MSI2: variants seen among roughly 807,000 people sequenced by gnomAD.
MSI2 encodes the protein musashi RNA binding protein 2.
In MSI2, 17 loss-of-function variants were observed where a neutral mutation model predicts 45.6. The ratio of observed to expected loss-of-function variants is 0.37; its 90% CI spans 0.26 to 0.56. The LOEUF (loss-of-function observed/expected upper bound fraction) is 0.56, where lower values mean the gene tolerates loss of function less well. MSI2 is among the 20% of genes least tolerant of loss of function. MSI2 has a pLI of 0.77. For missense variants in MSI2, 293 were observed against 444.2 expected (o/e 0.66, Z 3.06); for synonymous variants, 156 against 158.2 (o/e 0.99, Z 0.11).
chr17:57,461,695 C>T (rs916446171), intron 6 of MSI2, among the ~76,000 whole-genome samples: 9 of 152,142 alleles, frequency 5.9e-5, no homozygotes, highest in African/African-American at 9.6e-5. Flanking sequence ...GCCACCACAC[C>T]GGCTAATTTT....
intron 6 of MSI2, among the ~76,000 whole-genome samples, chr17:57,490,232 T>C (rs1369394345): frequency 1.3e-5 from 2 of 152,348 alleles, no homozygotes; most frequent in Non-Finnish European, 2.9e-5. Flanking sequence ...CTAGTTCTTC[T>C]TTCTCTTGCT....
At chr17:57,605,363 C>T (rs150260203) in intron 8 of MSI2, among the ~76,000 whole-genome samples, 1 of 152,340 alleles carries the variant, frequency 6.6e-6, no homozygotes, top group Non-Finnish European at 1.5e-5. Context: ...GAGTGGCCTC[C>T]CAGTTGCCTG....
chr17:57,269,105 C>T (rs1174578721), intron 5 of MSI2, among the ~76,000 whole-genome samples: 3 of 152,082 alleles, frequency 2.0e-5, no homozygotes, highest in Admixed American at 1.3e-4. Flanking sequence ...GTCTTTGCCC[C>T]AGGTCTTGAA....
At chr17:57,580,120 T>C (rs2088161998) in intron 7 of MSI2, among the ~76,000 whole-genome samples, 1 of 152,082 alleles carries the variant, frequency 6.6e-6, no homozygotes, top group South Asian at 2.1e-4. Flanking sequence ...CTGTTCCCAC[T>C]TGGGCCTAGC....
intron 7 of MSI2, among the ~76,000 whole-genome samples, chr17:57,591,070 C>A (rs1410990928): frequency 1.3e-5 from 2 of 152,212 alleles, no homozygotes; most frequent in African/African-American, 4.8e-5. Context: ...CTGCTTCTGC[C>A]TGCATCTCTT....
chr17:57,331,892 C>G (rs956944076), intron 5 of MSI2, among the ~76,000 whole-genome samples: 7 of 152,278 alleles, frequency 4.6e-5, no homozygotes, highest in Non-Finnish European at 1.0e-4. Flanking sequence ...TTGCTACTCT[C>G]GAGTTGCTTT....
chr17:57,263,244 T>C (rs1157033874), intron 5 of MSI2, among the ~76,000 whole-genome samples: 3 of 152,232 alleles, frequency 2.0e-5, no homozygotes, highest in South Asian at 2.1e-4. Context: ...ACTTGATTGA[T>C]TGATTCCTTC....
Position 57,529,619 on chromosome 17 carries a change from T to G in MSI2, c.406-57T>G. ...CTCACCCCCCGACATGCATATAATG[T>G]TTTGTGTACTTTCTTAAAATTCCTA... On this transcript the variant is annotated intron_variant, in intron 6 of 13. Transcript: ENST00000284073. This position sits in a 1 kb window ranked among gnomAD's most constrained non-coding sequence, Gnocchi z 5.3. 6 of 1,509,642 alleles carry G rather than the reference T, an allele frequency of 4.0e-6. No homozygotes were observed. Among genetic ancestry groups the G allele is most frequent in the Non-Finnish European group, 5.5e-6 (6 of 1,087,128 alleles). The allele number at this position is 1,509,642 out of a possible 1,614,324, so 93.5% of individuals were successfully genotyped here. A position where few individuals can be genotyped will look rare whatever the true frequency, so the allele number is the denominator to read the frequency against.
At chr17:57,660,202 G>C (rs1334492314) in intron 11 of MSI2, among the ~76,000 whole-genome samples, 2 of 152,112 alleles carry the variant, frequency 1.3e-5, no homozygotes, top group Non-Finnish European at 2.9e-5. Context: ...TCCTCATGGT[G>C]GCAAAATGAT....
chr17:57,649,639 G>T (rs1337505090), intron 10 of MSI2, among the ~76,000 whole-genome samples: 1 of 152,214 alleles, frequency 6.6e-6, no homozygotes, highest in African/African-American at 2.4e-5. Context: ...CCACCAAGAA[G>T]AGGCCTGGCC....
At position 57,564,231 on chromosome 17, in the gene MSI2, A is replaced by G. The variant is rs532974603; in HGVS notation, c.455-32637A>G. On this transcript the variant is annotated intron_variant, in intron 7 of 13. Coordinates refer to ENST00000284073, the MANE Select transcript of MSI2 (RefSeq NM_138962.4). ...AGTAATTAAGAATTGCCCAGGAGCT[A>G]ACATATTTATGGGCACTGGCCCAGG... is the stretch of plus-strand genomic sequence containing the variant. Among the ~76,000 whole-genome samples the G allele has an allele frequency of 1.8e-4, 27 of 152,284 alleles. 1 individual carries two copies. The South Asian group carries it at 4.6e-3, about 26-fold the overall frequency.
At chr17:57,396,719 A>C (rs1378858027) in intron 5 of MSI2, among the ~76,000 whole-genome samples, 1 of 152,166 alleles carries the variant, frequency 6.6e-6, no homozygotes, top group Admixed American at 6.5e-5. Context: ...GTTAAATTAC[A>C]GGTCTAGATG....
intron 11 of MSI2, among the ~76,000 whole-genome samples, chr17:57,659,554 T>C (rs185900870): frequency 5.3e-5 from 8 of 152,178 alleles, no homozygotes; most frequent in Non-Finnish European, 1.0e-4. Context: ...ATGTGACTTA[T>C]TTAAAATCAC....
At chr17:57,286,481 T>G (rs1378854004) in intron 5 of MSI2, among the ~76,000 whole-genome samples, 1 of 152,100 alleles carries the variant, frequency 6.6e-6, no homozygotes, top group Non-Finnish European at 1.5e-5. Context: ...CTGAGAGCAC[T>G]TTTGTTTTCT....
At position 57,575,375 on chromosome 17, in the gene MSI2, C is replaced by T. The variant is rs373572291; in HGVS notation, c.455-21493C>T. Among the ~76,000 whole-genome samples, 231 of 152,210 alleles carry T rather than the reference C, an allele frequency of 1.5e-3. 1 individual carries two copies. The highest frequency in any genetic ancestry group is 5.4e-3 in the African/African-American group (224 of 41,522). On this transcript the variant is annotated intron_variant, in intron 7 of 13. Coordinates refer to ENST00000284073, the MANE Select transcript of MSI2 (RefSeq NM_138962.4). ...CCACATTTGACACCGCTCTAGGTGG[C>T]GGCTCAATGGGAGTGGAGTGCTGCG...
At chr17:57,619,345 C>T (rs992471400) in intron 9 of MSI2, among the ~76,000 whole-genome samples, 9 of 152,188 alleles carry the variant, frequency 5.9e-5, no homozygotes, top group African/African-American at 7.2e-5. Context: ...TCCTGCCCTC[C>T]GCGAGCTTGT....
chr17:57,344,931 C>A (rs1915476573), intron 5 of MSI2, among the ~76,000 whole-genome samples: 2 of 150,552 alleles, frequency 1.3e-5, no homozygotes, highest in Admixed American at 1.3e-4. Flanking sequence ...GGCATGGTGG[C>A]ATGTGCCTGT....
At chr17:57,279,709 A>G (rs1423168776) in intron 5 of MSI2, 1 of 152,216 alleles carries the variant, frequency 6.6e-6, no homozygotes, top group Non-Finnish European at 1.5e-5. Context: ...CAGTGGCACA[A>G]TCAAAGCTCA....
intron 7 of MSI2, among the ~76,000 whole-genome samples, chr17:57,532,840 A>T (rs1053191666): frequency 6.6e-6 from 1 of 152,244 alleles, no homozygotes; most frequent in African/African-American, 2.4e-5. Flanking sequence ...GTCACAGCAC[A>T]TGCTCAGCAC....
Sources: gnomAD v4.1 joint callset for allele counts (sites outside exome capture counted in the v4.1 genomes callset) on GRCh38, gnomAD v4.1.1 for gene constraint, Gnocchi (gnomAD v3.1) non-coding constraint, MANE v1.5 for transcripts, NCBI Gene and HGNC (gene_info 2026-07-23, HGNC 2026-07-21) for gene names.